CNBD1: variants seen among roughly 807,000 people sequenced by gnomAD.
CNBD1 encodes the protein cyclic nucleotide binding domain containing 1.
CNBD1 carries 71 observed loss-of-function variants against 54.4 expected under a neutral mutation model. The observed-to-expected ratio is 1.30, with a 90% CI of 1.08 to 1.59. The LOEUF is 1.59. Ranked by LOEUF, CNBD1 falls within the 40% of genes most tolerant of loss-of-function variation. The pLI is 0.00. For synonymous variants in CNBD1, 182 were observed against 170.7 expected, an observed-to-expected ratio of 1.07 and a Z score of -0.51; for missense variants, 659 against 518.0, an observed-to-expected ratio of 1.27 and a Z score of -2.64.
At chr8:86,976,684 C>A (rs566510418) in intron 4 of CNBD1, among the ~76,000 whole-genome samples, 1 of 151,828 alleles carries the variant, frequency 6.6e-6, no homozygotes, top group Non-Finnish European at 1.5e-5. Context: ...AATATCTTTC[C>A]ATTTATTTGT....
chr8:87,418,823 A>G (rs1221854281), intron 2 of CNBD1, among the ~76,000 whole-genome samples: 2 of 151,956 alleles, frequency 1.3e-5, no homozygotes, highest in Non-Finnish European at 2.9e-5. Context: ...TGCATATGTG[A>G]AGAAATTGAA....
chr8:87,065,218 A>T (rs1211172839), intron 4 of CNBD1, among the ~76,000 whole-genome samples: 3 of 151,884 alleles, frequency 2.0e-5, no homozygotes, highest in Non-Finnish European at 4.4e-5. Context: ...TTTACAGCAT[A>T]TGTCTGTTTA....
chr8:87,088,689 A>G (rs1458509570), intron 4 of CNBD1, among the ~76,000 whole-genome samples: 1 of 152,124 alleles, frequency 6.6e-6, no homozygotes, highest in East Asian at 1.9e-4. Context: ...AAAAGGTTTC[A>G]TTAATTCTAC....
intron 4 of CNBD1, among the ~76,000 whole-genome samples, chr8:87,047,081 C>CT (rs1324026776): frequency 5.9e-5 from 9 of 152,178 alleles, no homozygotes; most frequent in East Asian, 3.9e-4. Flanking sequence ...TAGCTTTCTC[C>CT]TTTTTTTACC....
intron 4 of CNBD1, among the ~76,000 whole-genome samples, chr8:87,057,196 G>A (rs779529548): frequency 6.6e-5 from 10 of 152,140 alleles, no homozygotes; most frequent in Non-Finnish European, 1.3e-4. Flanking sequence ...AATTTACAAA[G>A]GAAAGAGGTT....
chr8:86,911,112 A>C (rs1809093816), intron 3 of CNBD1, among the ~76,000 whole-genome samples: 2 of 152,178 alleles, frequency 1.3e-5, no homozygotes, highest in African/African-American at 4.8e-5. Flanking sequence ...GGTGACAAAG[A>C]AAAGGGAAGA....
At chr8:87,306,262 T>C (rs113316700) in intron 8 of CNBD1, among the ~76,000 whole-genome samples, 6,620 of 152,026 alleles carry the variant, frequency 0.044, 188 homozygotes, top group Non-Finnish European at 0.06. Context: ...CAGTAGATGG[T>C]GGTGTGGCTG....
chr8:87,272,555 G>A (rs1808390198), intron 6 of CNBD1, among the ~76,000 whole-genome samples: 1 of 151,892 alleles, frequency 6.6e-6, no homozygotes, highest in Non-Finnish European at 1.5e-5. Context: ...GAATAAGACA[G>A]GAGCAATGTT....
In CNBD1 at chr8:87,125,675, GA is replaced by G. The variant is rs539567518; in HGVS notation, c.432-80317del. Among the ~76,000 whole-genome samples, 908 of 151,780 alleles carry G rather than the reference GA, an allele frequency of 6.0e-3. 5 individuals carry two copies. Among genetic ancestry groups the G allele is most frequent in the South Asian group, 0.017 (81 of 4,818 alleles). ...TTCTTTCCTTTTAAAATAGCTTGTT[GA>G]GGTATAATAACCAAACAATAGGCTG... On this transcript the variant is annotated intron_variant, in intron 4 of 10. Coordinates refer to ENST00000518476, the MANE Select transcript of CNBD1 (RefSeq NM_173538.3).
intron 6 of CNBD1, among the ~76,000 whole-genome samples, chr8:87,255,533 G>A (rs1344362034): frequency 2.0e-5 from 3 of 151,758 alleles, no homozygotes; most frequent in African/African-American, 2.4e-5. Context: ...TTAAATATTT[G>A]AAAAATCTAT....
chr8:87,348,593 C>G (rs1168988816), intron 8 of CNBD1, among the ~76,000 whole-genome samples: 1 of 152,120 alleles, frequency 6.6e-6, no homozygotes, highest in African/African-American at 2.4e-5. Context: ...AAAGTTGCCT[C>G]GGCATTGTCC....
At chr8:87,412,930 G>T (rs1470933604) in intron 2 of CNBD1, among the ~76,000 whole-genome samples, 1 of 152,076 alleles carries the variant, frequency 6.6e-6, no homozygotes, top group Non-Finnish European at 1.5e-5. Flanking sequence ...CTCAGGGTAG[G>T]TGGAGGGATG....
chr8:87,326,541 C>T (rs1809673092), intron 8 of CNBD1, among the ~76,000 whole-genome samples: 1 of 117,602 alleles, frequency 8.5e-6, no homozygotes, highest in Non-Finnish European at 1.9e-5. Flanking sequence ...CTTCTCGCTT[C>T]ATTTCATTCA....
At chr8:86,953,073 C>T (rs1284179036) in intron 4 of CNBD1, among the ~76,000 whole-genome samples, 2 of 152,056 alleles carry the variant, frequency 1.3e-5, no homozygotes, top group Non-Finnish European at 2.9e-5. Context: ...ATAGTTATTC[C>T]TTTTTCTTTC....
chr8:87,365,422 C>T (rs1375318858), intron 10 of CNBD1, among the ~76,000 whole-genome samples: 2 of 151,806 alleles, frequency 1.3e-5, no homozygotes, highest in African/African-American at 2.4e-5. Flanking sequence ...TGTAGTTAGA[C>T]CATTTTAACT....
chr8:87,211,163 A>G (rs1814089497), intron 5 of CNBD1, among the ~76,000 whole-genome samples: 1 of 152,176 alleles, frequency 6.6e-6, no homozygotes, highest in Admixed American at 6.5e-5. Context: ...CTTGAGGCCT[A>G]TAGCCTCTTT....
rs1212667153 is a variant in CNBD1, at chr8:87,256,015, A to ATTTTTT, written c.771+18923_771+18928dup. On this transcript the variant is annotated intron_variant, in intron 6 of 10. Coordinates refer to ENST00000518476, the MANE Select transcript of CNBD1 (RefSeq NM_173538.3). ...TATATATATATATATATATATATATATTTTTTTTTTTTTTTTTTTTTTTTT... is the reference window on the plus strand; with the variant it reads ...TATATATATATATATATATATATATATTTTTTTTTTTTTTTTTTTTTTTTTTTTTTT... Among the ~76,000 whole-genome samples, 13 of 15,782 alleles carry ATTTTTT rather than the reference A, an allele frequency of 8.2e-4. 1 individual carries two copies. The highest frequency in any genetic ancestry group is 5.9e-3 in the South Asian group (1 of 170). The allele number at this position is 15,782 out of a possible 152,430, so 10.4% of individuals were successfully genotyped here. A position where few individuals can be genotyped will look rare whatever the true frequency, so the allele number is the denominator to read the frequency against.
At chr8:87,349,235 T>C (rs942553096) in intron 8 of CNBD1, among the ~76,000 whole-genome samples, 7 of 152,146 alleles carry the variant, frequency 4.6e-5, no homozygotes, top group African/African-American at 1.7e-4. Flanking sequence ...CTTGACAGCA[T>C]AAGTTCTTAA....
At chr8:87,001,497 G>A (rs905858161) in intron 4 of CNBD1, among the ~76,000 whole-genome samples, 1 of 152,238 alleles carries the variant, frequency 6.6e-6, no homozygotes, top group East Asian at 1.9e-4. Context: ...GTGCTCTAAT[G>A]GAGCCTATGT....
Sources: gnomAD v4.1 joint callset for allele counts (sites outside exome capture counted in the v4.1 genomes callset) on GRCh38, gnomAD v4.1.1 for gene constraint, MANE v1.5 for transcripts, NCBI Gene and HGNC (gene_info 2026-07-23, HGNC 2026-07-21) for gene names.